The following MGST1 variants were observed in gnomAD, a reference collection of about 807,000 sequenced individuals.
MGST1 encodes glutathione S-transferase 12.
Under a neutral mutation model 8.9 loss-of-function variants are expected in MGST1, and 5 were observed. The observed-to-expected ratio is 0.56, with a 90% CI of 0.29 to 1.19. The LOEUF is 1.19. MGST1 is among the 50% of genes most tolerant of loss of function. MGST1 has a pLI of 0.08. For synonymous variants in MGST1, 54 were observed against 67.8 expected, an observed-to-expected ratio of 0.80 and a Z score of 1.00; for missense variants, 182 against 187.4, an observed-to-expected ratio of 0.97 and a Z score of 0.17.
chr12:16,393,076 G>A (rs7135863), intron 1 of MGST1, among the ~76,000 whole-genome samples: 59,167 of 151,754 alleles, frequency 0.39, 11,616 homozygotes, highest in East Asian at 0.53. Flanking sequence ...GTTAAAATGA[G>A]AATAGACAGT....
chr12:16,412,034 T>G (rs1209706220), intron 1 of MGST1, among the ~76,000 whole-genome samples: 1 of 152,136 alleles, frequency 6.6e-6, no homozygotes, highest in African/African-American at 2.4e-5. Flanking sequence ...AGTAAACTAT[T>G]AAAAAAATTA....
intron 1 of MGST1, among the ~76,000 whole-genome samples, chr12:16,406,946 T>G (rs1940701653): frequency 6.6e-6 from 1 of 151,950 alleles, no homozygotes; most frequent in African/African-American, 2.4e-5. Context: ...GAAAACTAAG[T>G]TATAAACACC....
At chr12:16,525,728 C>T (rs368087476) in intron 4 of MGST1, among the ~76,000 whole-genome samples, 2 of 149,240 alleles carry the variant, frequency 1.3e-5, no homozygotes, top group Non-Finnish European at 3.0e-5. Context: ...CACTGACTTC[C>T]ACAATGGTTG....
At chr12:16,515,841 C>A (rs1447026217) in intron 4 of MGST1, among the ~76,000 whole-genome samples, 4 of 151,968 alleles carry the variant, frequency 2.6e-5, no homozygotes, top group Admixed American at 2.6e-4. Flanking sequence ...TGTGCATTTG[C>A]TCATCTCACA....
chr12:16,509,139 A>T (rs915439002), intron 4 of MGST1, among the ~76,000 whole-genome samples: 1 of 152,178 alleles, frequency 6.6e-6, no homozygotes, highest in Non-Finnish European at 1.5e-5. Context: ...GGAAATGTTG[A>T]TTAACCCTTT....
chr12:16,377,156 TTTA>T (rs1235482077), exon 4 of MGST1: 3 of 152,006 alleles, frequency 2.0e-5, no homozygotes, highest in Admixed American at 6.6e-5. Context: ...TTTTTTAAAT[TTTA>T]TTATTATTAA....
intron 1 of MGST1, among the ~76,000 whole-genome samples, chr12:16,404,072 T>C (rs1026624097): frequency 1.3e-5 from 2 of 152,190 alleles, no homozygotes; most frequent in African/African-American, 4.8e-5. Context: ...ATTGTTCTTT[T>C]CTCCTTATAA....
At chr12:16,534,919 T>G (rs1456883908) in intron 4 of MGST1, among the ~76,000 whole-genome samples, 1 of 152,164 alleles carries the variant, frequency 6.6e-6, no homozygotes, top group African/African-American at 2.4e-5. Flanking sequence ...AATGTAAGTC[T>G]AAACTACTTG....
At position 16,364,231 on chromosome 12, in the gene MGST1, T is replaced by C; in HGVS notation, c.*190T>C. The C allele has an allele frequency of 7.8e-7, 1 of 1,279,184 alleles. No individual in the cohort carries two copies. The highest frequency in any genetic ancestry group is 2.9e-5 in the South Asian group (1 of 33,900). 79.2% of individuals were successfully genotyped at this position (1,279,184 alleles called of 1,614,324 possible). A position where few individuals can be genotyped will look rare whatever the true frequency, so the allele number is the denominator to read the frequency against. On this transcript the variant is annotated 3_prime_UTR_variant, in exon 4 of 4. Transcript: ENST00000396210. The surrounding 1 kb of genome is among the most constrained non-coding windows in gnomAD (Gnocchi z 5.7). The stretch of plus-strand genomic sequence containing the variant: ...TTACATTTGGATTAGAAATTTAACA[T>C]AGTAATTCTTAAGTCTTTTGTCTGA...
At chr12:16,439,372 A>G (rs1941018724), downstream of MGST1, among the ~76,000 whole-genome samples, 1 of 151,918 alleles carries the variant, frequency 6.6e-6, no homozygotes, top group Non-Finnish European at 1.5e-5. Flanking sequence ...AAAATGTGCC[A>G]GGAAAATGTC....
chr12:16,359,832 A>G (rs1033813361), intron 3 of MGST1, among the ~76,000 whole-genome samples: 1 of 152,202 alleles, frequency 6.6e-6, no homozygotes, highest in Admixed American at 6.5e-5. Context: ...TGAAAATCCA[A>G]GTAAGTCTCC....
At position 16,363,694 on chromosome 12, in the gene MGST1, G is replaced by C; in HGVS notation, c.222-101G>C. The C allele has an allele frequency of 1.0e-6, 1 of 958,474 alleles. No homozygotes were observed. The highest frequency in any genetic ancestry group is 1.5e-6 in the Non-Finnish European group (1 of 686,980). 59.4% of individuals were successfully genotyped at this position (958,474 alleles called of 1,614,324 possible). ...AATAAATCTTACTTTGAAATTTAAG[G>C]ATCCATTAGTGCTCAGATTTAGTTT... On this transcript the variant is annotated intron_variant, in intron 3 of 3. Coordinates refer to ENST00000396210, the MANE Select transcript of MGST1 (RefSeq NM_020300.5). The surrounding 1 kb of genome is among the most constrained non-coding windows in gnomAD (Gnocchi z 4.6).
intron 1 of MGST1, chr12:16,399,645 T>C (rs1940635684): frequency 1.3e-6 from 2 of 1,598,840 alleles, no homozygotes; most frequent in South Asian, 2.2e-5. Flanking sequence ...ACTCCCCTCA[T>C]CGTCAGGCTC....
chr12:16,412,483 A>G (rs1940750170), intron 1 of MGST1, among the ~76,000 whole-genome samples: 1 of 152,186 alleles, frequency 6.6e-6, no homozygotes, highest in South Asian at 2.1e-4. Context: ...GAATCAACTA[A>G]TATTTCAACT....
chr12:16,366,135 A>G (rs779115126), downstream of MGST1, among the ~76,000 whole-genome samples: 1 of 152,222 alleles, frequency 6.6e-6, no homozygotes, highest in African/African-American at 2.4e-5. This position sits in a 1 kb window ranked among gnomAD's most constrained non-coding sequence, Gnocchi z 4.0. Flanking sequence ...GTAGACAATT[A>G]TTAGGGGAAA....
chr12:16,556,921 C>T (rs1942213451), intron 4 of MGST1, among the ~76,000 whole-genome samples: 1 of 151,928 alleles, frequency 6.6e-6, no homozygotes, highest in South Asian at 2.1e-4. Flanking sequence ...ATAAATGAAG[C>T]GAACACAGAA....
At chr12:16,549,899 A>G (rs772411432) in intron 4 of MGST1, 3 of 152,108 alleles carry the variant, frequency 2.0e-5, no homozygotes, top group Non-Finnish European at 4.4e-5. Context: ...TTCACCTTAA[A>G]AAATGGAAAG....
In MGST1 at chr12:16,364,304, C is replaced by T. The variant is rs1940141030; in HGVS notation, c.*263C>T. On this transcript the variant is annotated 3_prime_UTR_variant, in exon 4 of 4. Transcript: ENST00000396210. The surrounding 1 kb of genome is among the most constrained non-coding windows in gnomAD (Gnocchi z 5.7). ...ATTTGGATCATGTTATGATTTGTAACATTCACACAACACCTCACTTTTGAA... is the reference window on the plus strand; with the variant it reads ...ATTTGGATCATGTTATGATTTGTAATATTCACACAACACCTCACTTTTGAA... 8.9e-7 allele frequency: 1 copy of T among 1,120,140 alleles called. No homozygotes were observed. Among genetic ancestry groups the T allele is most frequent in the African/African-American group, 1.6e-5 (1 of 62,752 alleles). 69.4% of individuals were successfully genotyped at this position (1,120,140 alleles called of 1,614,324 possible). A position where few individuals can be genotyped will look rare whatever the true frequency, so the allele number is the denominator to read the frequency against.
chr12:16,417,997 T>C (rs1940800926), intron 1 of MGST1, among the ~76,000 whole-genome samples: 1 of 152,180 alleles, frequency 6.6e-6, no homozygotes. Flanking sequence ...ATTTCCAGCT[T>C]GAACAGCTCT....
Sources: gnomAD v4.1 joint callset for allele counts (sites outside exome capture counted in the v4.1 genomes callset) on GRCh38, gnomAD v4.1.1 for gene constraint, Gnocchi (gnomAD v3.1) non-coding constraint, MANE v1.5 for transcripts, NCBI Gene and HGNC (gene_info 2026-07-23, HGNC 2026-07-21) for gene names.